NIPBL: variants seen among roughly 807,000 people sequenced by gnomAD.
NIPBL encodes NIPBL cohesin loading factor, also known as nipped-B-like protein.
A neutral mutation model predicts 321.8 loss-of-function variants in NIPBL; 19 were observed. That is an observed-to-expected ratio of 0.06 (90% CI 0.04 to 0.09). NIPBL has a LOEUF of 0.09. Ranked by LOEUF, NIPBL falls within the 10% of genes least tolerant of loss-of-function variation. The pLI is 1.00. For missense variants in NIPBL, 2,210 were observed against 3,327.0 expected, an observed-to-expected ratio of 0.66 and a Z score of 8.26; for synonymous variants, 1,106 against 1,114.1, an observed-to-expected ratio of 0.99 and a Z score of 0.14.
chr5:36,890,228 G>A (rs1746216536), intron 1 of NIPBL, among the ~76,000 whole-genome samples: 1 of 151,726 alleles, frequency 6.6e-6, no homozygotes. Flanking sequence ...TAATGAGGCA[G>A]TGAACATCTT....
At chr5:36,900,823 G>GC (rs1561364370) in intron 1 of NIPBL, among the ~76,000 whole-genome samples, 2 of 152,046 alleles carry the variant, frequency 1.3e-5, no homozygotes, top group Non-Finnish European at 2.9e-5. Context: ...ATACCGCTTG[G>GC]CAGGGGACCT....
chr5:37,042,176 C>T (rs1405411447), intron 34 of NIPBL, among the ~76,000 whole-genome samples: 2 of 152,120 alleles, frequency 1.3e-5, no homozygotes, highest in Non-Finnish European at 2.9e-5. Context: ...GTGGCTCACG[C>T]CTGTAATCCC....
At chr5:36,965,899 T>A (rs1580348589) in intron 6 of NIPBL, among the ~76,000 whole-genome samples, 1 of 152,056 alleles carries the variant, frequency 6.6e-6, no homozygotes, top group African/African-American at 2.4e-5. Flanking sequence ...GTGAGACAGT[T>A]TAGACTATTG....
intron 43 of NIPBL, among the ~76,000 whole-genome samples, chr5:37,058,184 T>G (rs1754299656): frequency 6.6e-6 from 1 of 152,228 alleles, no homozygotes; most frequent in South Asian, 2.1e-4. Flanking sequence ...AAACAGAATC[T>G]GCATCTTCAA....
rs150369438 is a variant in NIPBL, at chr5:37,000,521, G to A, written c.3453G>A (p.Pro1151=). 2.8e-5 allele frequency: 45 copies of A among 1,613,398 alleles called. No homozygotes were observed. The highest frequency in any genetic ancestry group is 1.7e-4 in the African/African-American group (13 of 74,994). ...GTGGTCGTTATCGAAACCGAAGTCC[G>A]TCAGATTCTGACATGGAAGATTATT... ...SGGGRYRNRS[P]SDSDMEDYSP... The change falls in exon 12 of 47, where the codon CCG becomes CCA. Residue 1151 remains proline, a synonymous_variant. Transcript: ENST00000282516.
At chr5:37,046,781 A>C (rs1330381942) in intron 38 of NIPBL, among the ~76,000 whole-genome samples, 1 of 152,178 alleles carries the variant, frequency 6.6e-6, no homozygotes, top group Non-Finnish European at 1.5e-5. Flanking sequence ...TATATCTAGG[A>C]AGGAATTAGA....
At chr5:36,898,186 G>T (rs1014605937) in intron 1 of NIPBL, among the ~76,000 whole-genome samples, 1 of 152,082 alleles carries the variant, frequency 6.6e-6, no homozygotes, top group African/African-American at 2.4e-5. Flanking sequence ...GATCAGTAAG[G>T]ATAAAGTGTT....
At chr5:36,906,491 C>T (rs1239032953) in intron 1 of NIPBL, among the ~76,000 whole-genome samples, 1 of 152,010 alleles carries the variant, frequency 6.6e-6, no homozygotes, top group Non-Finnish European at 1.5e-5. Flanking sequence ...GTGATATGTC[C>T]TTTTTTCTAT....
chr5:37,010,428 G>A (rs1315420312), intron 21 of NIPBL, among the ~76,000 whole-genome samples: 2 of 152,040 alleles, frequency 1.3e-5, no homozygotes, highest in African/African-American at 4.8e-5. Flanking sequence ...TGATTCTCCT[G>A]CCTCAGCCTG....
intron 6 of NIPBL, among the ~76,000 whole-genome samples, chr5:36,967,260 A>G (rs1032053446): frequency 2.0e-5 from 3 of 152,172 alleles, no homozygotes; most frequent in Non-Finnish European, 4.4e-5. Flanking sequence ...ATTTTATATC[A>G]GATTGATAAA....
chr5:37,045,722 A>C, intron 37 of NIPBL, 125 bp downstream of exon 37: 1 of 1,042,982 alleles, frequency 9.6e-7, no homozygotes, highest in Non-Finnish European at 1.5e-6. Context: ...AAAATTCTGA[A>C]AACAGTGCTG....
intron 21 of NIPBL, among the ~76,000 whole-genome samples, chr5:37,013,246 G>A (rs1234171140): frequency 1.9e-4 from 28 of 150,730 alleles, no homozygotes; most frequent in African/African-American, 5.6e-4. Context: ...AGGCGCGGCC[G>A]GGCAGAGGCG....
intron 35 of NIPBL, 69 bp downstream of exon 35, chr5:37,044,556 A>G: frequency 3.2e-6 from 5 of 1,581,122 alleles, no homozygotes; most frequent in Non-Finnish European, 4.3e-6. Context: ...TAAAATTTTT[A>G]AAGCAAATAT....
chr5:36,924,188 G>T lies in NIPBL; in HGVS notation c.-79-29430G>T, dbSNP rs548058818. Among the ~76,000 whole-genome samples, 20 of 152,144 alleles carry T rather than the reference G, an allele frequency of 1.3e-4. No homozygotes were observed. The East Asian group carries it at 3.3e-3, about 25-fold the overall frequency. On this transcript the variant is annotated intron_variant, in intron 1 of 46. Transcript: ENST00000282516. ...CTCTTGAACTAATATCCAAATTTTT[G>T]ATCTTTAAATGTTACAACTGCAGTA...
Position 37,038,737 on chromosome 5 carries a change from G to A in NIPBL, c.6107G>A (p.Ser2036Asn), listed in dbSNP as rs769397450. Residue 2036 changes from serine (S) to asparagine (N), a missense_variant and splice_region_variant, in exon 34 of 47, where the codon AGT (serine) becomes AAT (asparagine). By Grantham distance (46) the Ser-to-Asn change is conservative. Coordinates refer to ENST00000282516, the MANE Select transcript of NIPBL (RefSeq NM_133433.4). ...TMQPYLTTKC[S>N]TQNDFMVICN... ...CAACCATACCTTACCACTAAATGTA[G>A]TGTAAGTATAGAGCTGTCTTATTCT... is the stretch of plus-strand genomic sequence containing the variant. The A allele has an allele frequency of 3.7e-6, 6 of 1,613,040 alleles. No individual in the cohort carries two copies. Among genetic ancestry groups the A allele is most frequent in the Non-Finnish European group, 5.1e-6 (6 of 1,179,594 alleles).
intron 42 of NIPBL, among the ~76,000 whole-genome samples, chr5:37,054,046 A>G (rs1245762437): frequency 6.6e-6 from 1 of 152,074 alleles, no homozygotes; most frequent in East Asian, 1.9e-4. Context: ...AAATATAAAA[A>G]TTAGCCGGGC....
At chr5:37,045,907 T>C (rs1029109853) in intron 37 of NIPBL, among the ~76,000 whole-genome samples, 1 of 152,224 alleles carries the variant, frequency 6.6e-6, no homozygotes, top group African/African-American at 2.4e-5. Context: ...AACAATGCAC[T>C]GATTTACATT....
At position 36,929,621 on chromosome 5, in the gene NIPBL, T is replaced by C. The variant is rs1000821488; in HGVS notation, c.-79-23997T>C. 5.3e-5 allele frequency among the ~76,000 whole-genome samples: 8 copies of C among 152,216 alleles called. No homozygotes were observed. The South Asian group carries it at 1.7e-3, about 32-fold the overall frequency. ...TCATGTTTTTGTTATCTAAGAACTCTGCCTTGTTTTTGTCATCTAAGAACT... is the reference window on the plus strand; with the variant it reads ...TCATGTTTTTGTTATCTAAGAACTCCGCCTTGTTTTTGTCATCTAAGAACT... On this transcript the variant is annotated intron_variant, in intron 1 of 46. Transcript: ENST00000282516.
At chr5:36,990,724 T>C (rs1218945102) in intron 10 of NIPBL, among the ~76,000 whole-genome samples, 1 of 152,184 alleles carries the variant, frequency 6.6e-6, no homozygotes, top group Non-Finnish European at 1.5e-5. Context: ...CAAAGTATGC[T>C]TAATAGATTG....
Sources: allele counts gnomAD v4.1 joint callset (sites outside exome capture counted in the v4.1 genomes callset), GRCh38; gene constraint gnomAD v4.1.1; transcripts MANE v1.5; gene names NCBI Gene and HGNC (gene_info 2026-07-23, HGNC 2026-07-21).